The following CEP85L variants were observed in gnomAD, a reference collection of about 807,000 sequenced individuals.
The protein encoded by CEP85L is centrosomal protein 85L.
Under a neutral mutation model 100.3 loss-of-function variants are expected in CEP85L, and 60 were observed. The observed-to-expected ratio is 0.60, with a 90% CI of 0.49 to 0.74. The LOEUF (loss-of-function observed/expected upper bound fraction) is 0.74. Among genes scored for constraint, CEP85L ranks in the 30% least tolerant of loss-of-function variants. The pLI, the probability that CEP85L is intolerant of heterozygous loss-of-function variation, is 0.00. For missense variants in CEP85L, 973 were observed against 936.2 expected, an observed-to-expected ratio of 1.04 and a Z score of -0.51; for synonymous variants, 319 against 322.7, an observed-to-expected ratio of 0.99 and a Z score of 0.12.
intron 2 of CEP85L, among the ~76,000 whole-genome samples, chr6:118,597,498 C>T (rs1463244733): frequency 6.6e-6 from 1 of 152,002 alleles, no homozygotes; most frequent in Non-Finnish European, 1.5e-5. Flanking sequence ...TTACATCAAC[C>T]CAATTCAAGG....
At chr6:118,578,088 A>G (rs888706535) in intron 2 of CEP85L, among the ~76,000 whole-genome samples, 4 of 152,212 alleles carry the variant, frequency 2.6e-5, no homozygotes, top group African/African-American at 9.6e-5. Flanking sequence ...ACTGTTAAGG[A>G]CAGTAAGTTC....
At chr6:118,652,087 T>G (rs991807083), upstream of CEP85L, among the ~76,000 whole-genome samples, 8 of 152,104 alleles carry the variant, frequency 5.3e-5, no homozygotes, top group Admixed American at 4.6e-4. Flanking sequence ...TTTCCTTTAC[T>G]AATTTAATGG....
At chr6:118,694,163 C>T (rs960470343) in intron 1 of CEP85L, among the ~76,000 whole-genome samples, 5 of 152,122 alleles carry the variant, frequency 3.3e-5, no homozygotes, top group African/African-American at 1.2e-4. Context: ...ATATCCAAAA[C>T]AGCAAAAAAC....
rs375824759 is a variant in CEP85L, at chr6:118,563,694, T to A, written c.1020+1835A>T. 4.6e-5 allele frequency among the ~76,000 whole-genome samples: 7 copies of A among 152,190 alleles called. No individual in the cohort carries two copies. The East Asian group carries it at 1.2e-3, about 25-fold the overall frequency. On this transcript the variant is annotated intron_variant, in intron 3 of 12. Transcript: ENST00000368491. The stretch of plus-strand genomic sequence containing the variant: ...TCAAACTCCTGGACTCAGGCAATTC[T>A]CCTGCCTTGGCCTCCCAAATTGCTG...
intron 3 of CEP85L, among the ~76,000 whole-genome samples, chr6:118,531,086 C>T (rs752457162): frequency 1.2e-4 from 19 of 152,084 alleles, no homozygotes; most frequent in Non-Finnish European, 2.2e-4. Flanking sequence ...GGAGGTATAA[C>T]GTTACCCAAC....
At chr6:118,504,858 G>A (rs908027153) in intron 5 of CEP85L, among the ~76,000 whole-genome samples, 5 of 152,174 alleles carry the variant, frequency 3.3e-5, no homozygotes, top group African/African-American at 1.2e-4. Context: ...AGAATATGCA[G>A]AACTGACTGC....
rs147415080 is a variant in CEP85L, at chr6:118,475,930, G to A, written c.1914+3941C>T. Among the ~76,000 whole-genome samples, 34 of 152,242 alleles carry A rather than the reference G, an allele frequency of 2.2e-4. No individual in the cohort carries two copies. The East Asian group carries it at 6.2e-3, about 28-fold the overall frequency. On this transcript the variant is annotated intron_variant, in intron 10 of 12. Coordinates refer to ENST00000368491, the MANE Select transcript of CEP85L (RefSeq NM_001042475.3). ...TATATGGCAAAGTTAGGGACTGCCT[G>A]AGGAACTTAATAATACATAATTCGA...
chr6:118,529,859 A>C (rs920690182), intron 3 of CEP85L, among the ~76,000 whole-genome samples: 3 of 152,080 alleles, frequency 2.0e-5, no homozygotes, highest in Admixed American at 6.6e-5. Flanking sequence ...CTTCAGACTA[A>C]AAGTTATTGA....
At chr6:118,579,297 G>A (rs1422221276) in intron 2 of CEP85L, among the ~76,000 whole-genome samples, 1 of 150,034 alleles carries the variant, frequency 6.7e-6, no homozygotes, top group Non-Finnish European at 1.5e-5. Flanking sequence ...GGTTCAAAGA[G>A]GTCAACAATT....
Position 118,523,805 on chromosome 6 carries a change from T to C in CEP85L, c.1136A>G (p.Asp379Gly), listed in dbSNP as rs1271390102. The C allele has an allele frequency of 4.2e-6, 6 of 1,440,166 alleles. No homozygotes were observed. Among genetic ancestry groups the C allele is most frequent in the African/African-American group, 1.4e-5 (1 of 71,104 alleles). The allele number at this position is 1,440,166 out of a possible 1,614,324, so 89.2% of individuals were successfully genotyped here. A position where few individuals can be genotyped will look rare whatever the true frequency, so the allele number is the denominator to read the frequency against. Reference sequence around the variant, plus strand: ...TAATAATTTAAAATAGACTCACCGATCGATTACAATTTCTTTCTGCCTTAG... The same window carrying C: ...TAATAATTTAAAATAGACTCACCGACCGATTACAATTTCTTTCTGCCTTAG... ...GLLRQKEIVI[D>G]RQKQQITHLH... Residue 379 changes from aspartate to glycine, a missense_variant, in exon 4 of 13, where the codon GAT (aspartate) becomes GGT (glycine). Asp to Gly is a moderately conservative substitution (Grantham distance 94). Transcript: ENST00000368491.
intron 3 of CEP85L, chr6:118,565,252 AT>A: frequency 2.5e-6 from 1 of 404,342 alleles, no homozygotes; most frequent in South Asian, 3.5e-5. Context: ...GTTTATTTAG[AT>A]TGAGTATGTT....
chr6:118,556,093 T>C (rs1778856308), intron 3 of CEP85L, among the ~76,000 whole-genome samples: 1 of 152,216 alleles, frequency 6.6e-6, no homozygotes. Context: ...CTATTGTGAA[T>C]AGTGCTGCAA....
At chr6:118,591,727 T>C (rs1023486611) in intron 2 of CEP85L, among the ~76,000 whole-genome samples, 1 of 152,222 alleles carries the variant, frequency 6.6e-6, no homozygotes, top group Non-Finnish European at 1.5e-5. Context: ...GAGTGTGCTT[T>C]CATTTTCAAT....
chr6:118,461,232 T>C lies in CEP85L; in HGVS notation c.*4173A>G, dbSNP rs1345712031. On this transcript the variant is annotated 3_prime_UTR_variant, in exon 13 of 13. Coordinates refer to ENST00000368491, the MANE Select transcript of CEP85L (RefSeq NM_001042475.3). The stretch of plus-strand genomic sequence containing the variant: ...CAACAATGCGATGTTAAGTTTTATG[T>C]TTATGTATTTAACTATTTATACATA... 1 of 152,092 alleles carries C rather than the reference T, an allele frequency of 6.6e-6. No individual in the cohort carries two copies. Among genetic ancestry groups the C allele is most frequent in the East Asian group, 1.9e-4 (1 of 5,196 alleles). 9.4% of individuals were successfully genotyped at this position (152,092 alleles called of 1,614,324 possible).
intron 3 of CEP85L, among the ~76,000 whole-genome samples, chr6:118,539,321 T>C (rs183091298): frequency 6.6e-5 from 10 of 152,330 alleles, no homozygotes; most frequent in African/African-American, 1.9e-4. Flanking sequence ...TTGTTTACAG[T>C]ATTTAGTACA....
chr6:118,529,619 A>AAAAAAAAC (rs1777176258), intron 3 of CEP85L, among the ~76,000 whole-genome samples: 2 of 105,364 alleles, frequency 1.9e-5, no homozygotes, highest in African/African-American at 6.4e-5. Flanking sequence ...AAAAAAAAAA[A>AAAAAAAAC]AAAAAAAAAA....
intron 1 of CEP85L, among the ~76,000 whole-genome samples, chr6:118,709,077 A>G (rs552145422): frequency 1.3e-5 from 2 of 152,342 alleles, no homozygotes; most frequent in Non-Finnish European, 2.9e-5. Flanking sequence ...AGGGACTGAC[A>G]GCCCACAGAG....
chr6:118,690,416 C>T (rs1299364482), intron 1 of CEP85L, among the ~76,000 whole-genome samples: 2 of 152,090 alleles, frequency 1.3e-5, no homozygotes, highest in Non-Finnish European at 2.9e-5. Context: ...TAAGGAAATA[C>T]CTCTCTGCTC....
At chr6:118,647,082 AT>A in intron 1 of CEP85L, 1 of 985,074 alleles carries the variant, frequency 1.0e-6, no homozygotes, top group South Asian at 4.7e-5. Context: ...GGCCAGAGTT[AT>A]GTTTCATTGT....
Sources: gnomAD v4.1 joint callset for allele counts (sites outside exome capture counted in the v4.1 genomes callset) on GRCh38, gnomAD v4.1.1 for gene constraint, MANE v1.5 for transcripts, NCBI Gene and HGNC (gene_info 2026-07-23, HGNC 2026-07-21) for gene names.